Variants in ZNF346 observed in about 807,000 individuals in gnomAD.
ZNF346 encodes double-stranded RNA-binding zinc finger protein JAZ.
Under a neutral mutation model 33.7 loss-of-function variants are expected in ZNF346, and 23 were observed. The observed-to-expected ratio is 0.68, with a 90% CI of 0.49 to 0.97. The LOEUF is 0.97. ZNF346 is among the 50% of genes least tolerant of loss of function. The probability of loss-of-function intolerance (pLI) is 0.00; values close to 1 mark genes in which losing one functional copy is unlikely to be tolerated. For synonymous variants in ZNF346, 134 were observed against 142.4 expected (o/e 0.94, Z 0.42); for missense variants, 340 against 371.1 (o/e 0.92, Z 0.69).
intron 6 of ZNF346, among the ~76,000 whole-genome samples, chr5:177,062,863 G>T (rs1782709259): frequency 2.0e-5 from 3 of 152,158 alleles, no homozygotes; most frequent in Admixed American, 6.6e-5. Flanking sequence ...ATTCAAAGTG[G>T]TGATGTGAAT....
chr5:177,033,916 C>A (rs1405595139), intron 1 of ZNF346, among the ~76,000 whole-genome samples: 1 of 152,150 alleles, frequency 6.6e-6, no homozygotes, highest in African/African-American at 2.4e-5. Flanking sequence ...GGGTCTCACT[C>A]CCTCACCAAG....
chr5:177,044,260 G>T, intron 3 of ZNF346, 129 bp from the exon 4 acceptor site: 1 of 995,674 alleles, frequency 1.0e-6, no homozygotes, highest in East Asian at 2.5e-5. Context: ...GAAGAATCTA[G>T]AAAGTAGGTT....
rs2149722131 is a variant in ZNF346 at position 177,077,906 on chromosome 5, G to GGAGAA, written c.*3-1473_*3-1472insAAGAG. Among the ~76,000 whole-genome samples the GGAGAA allele has an allele frequency of 6.6e-6, 1 of 152,304 alleles. No homozygotes were observed. Among genetic ancestry groups the GGAGAA allele is most frequent in the East Asian group, 1.9e-4 (1 of 5,178 alleles). The stretch of plus-strand genomic sequence containing the variant: ...TCACGCCTGTAATCCCAGCACTTTG[G>GGAGAA]GAGGCCGAGGCAGGTGGATCACCTG... On this transcript the variant is annotated intron_variant, in intron 8 of 8. Transcript: ENST00000503039. This position sits in a 1 kb window ranked among gnomAD's most constrained non-coding sequence, Gnocchi z 5.0.
chr5:177,055,443 C>G lies in ZNF346; in HGVS notation c.703+4507C>G, dbSNP rs1781542035. 2.0e-5 allele frequency among the ~76,000 whole-genome samples: 3 copies of G among 152,072 alleles called. 1 individual carries two copies. The highest frequency in any genetic ancestry group is 4.1e-4 in the South Asian group (2 of 4,826). ...AATGTGTGGAAACTGGAAATTGACT[C>G]TATATCTTTGGTAATAAAGGGGTAA... On this transcript the variant is annotated intron_variant, in intron 5 of 6. Coordinates refer to ENST00000358149, the MANE Select transcript of ZNF346 (RefSeq NM_012279.4).
At chr5:177,061,595 T>C (rs1369349377) in intron 5 of ZNF346, among the ~76,000 whole-genome samples, 2 of 152,192 alleles carry the variant, frequency 1.3e-5, no homozygotes, top group Non-Finnish European at 2.9e-5. Context: ...AGCCCTGAGA[T>C]AGGGTCTGTG....
rs1408805544 is a variant in ZNF346, at chr5:177,067,104, TGTG to T, written c.*2512_*2514del. On this transcript the variant is annotated 3_prime_UTR_variant, in exon 7 of 7. Transcript: ENST00000358149. ...TAAATTTTAAAAGAAGGTAGCCAGG[TGTG>T]GTGGTGCATTCCTGTAGTCCTGGCT... is the stretch of plus-strand genomic sequence containing the variant. Among the ~76,000 whole-genome samples the T allele has an allele frequency of 6.6e-6, 1 of 151,912 alleles. No homozygotes were observed. Among genetic ancestry groups the T allele is most frequent in the African/African-American group, 2.4e-5 (1 of 41,354 alleles).
At chr5:177,075,001 G>C (rs2149720382) in intron 8 of ZNF346, among the ~76,000 whole-genome samples, 1 of 151,928 alleles carries the variant, frequency 6.6e-6, no homozygotes, top group South Asian at 2.1e-4. Context: ...AGGAGGCGAA[G>C]CTTGCAGTGA....
rs1775961670 is a variant in ZNF346, at chr5:177,022,761, C to T, written c.23C>T (p.Thr8Met). The stretch of plus-strand genomic sequence containing the variant: ...AAGATGGAGTATCCCGCGCCGGCCA[C>T]GGTGCAGGCCGCGGACGGCGGAGCG... Reference protein sequence around the residue: MEYPAPATVQAADGGAAG... With the variant: MEYPAPAMVQAADGGAAG... The change falls in exon 1 of 7, where the codon ACG becomes ATG. Residue 8 changes from threonine (T) to methionine (M), a missense_variant. Transcript: ENST00000358149. 7 of 1,556,380 alleles carry T rather than the reference C, an allele frequency of 4.5e-6. No homozygotes were observed. Among genetic ancestry groups the T allele is most frequent in the Non-Finnish European group, 6.1e-6 (7 of 1,154,310 alleles).
chr5:177,071,251 C>T (rs978910726), downstream of ZNF346, among the ~76,000 whole-genome samples: 64 of 152,036 alleles, frequency 4.2e-4, no homozygotes, highest in Non-Finnish European at 2.4e-4. Context: ...TCCCAGAGCC[C>T]TAAGCCAGGT....
At chr5:177,068,173 G>A (rs1464559789), downstream of ZNF346, among the ~76,000 whole-genome samples, 1 of 143,000 alleles carries the variant, frequency 7.0e-6, no homozygotes, top group Non-Finnish European at 1.5e-5. Context: ...CACAGGGTGA[G>A]CAGCCACTCA....
At position 177,063,589 on chromosome 5, in the gene ZNF346, C is replaced by T. The variant is rs188653949; in HGVS notation, c.798-923C>T. Among the ~76,000 whole-genome samples the T allele has an allele frequency of 1.7e-4, 26 of 152,178 alleles. No individual in the cohort carries two copies. In the East Asian group the frequency reaches 3.9e-3, roughly 23 times the overall value. The stretch of plus-strand genomic sequence containing the variant: ...AGACAACCTGAAGCCAACCAGAGCC[C>T]CTCCCTGGGGCTACCCACACCTGAA... On this transcript the variant is annotated intron_variant, in intron 6 of 6. Coordinates refer to ENST00000358149, the MANE Select transcript of ZNF346 (RefSeq NM_012279.4).
chr5:177,051,070 A>G lies in ZNF346; in HGVS notation c.703+134A>G. The G allele has an allele frequency of 4.6e-6, 3 of 646,560 alleles. No individual in the cohort carries two copies. In the South Asian group the frequency reaches 5.7e-5, roughly 12 times the overall value. The allele number at this position is 646,560 out of a possible 1,614,324, so 40.1% of individuals were successfully genotyped here. A position where few individuals can be genotyped will look rare whatever the true frequency, so the allele number is the denominator to read the frequency against. On this transcript the variant is annotated intron_variant, in intron 5 of 6. Coordinates refer to ENST00000358149, the MANE Select transcript of ZNF346 (RefSeq NM_012279.4). ...GCGAACTCAGATGGCTACAGAAGCC[A>G]GATGAGAAATTAAAATGAGAGCCAG...
intron 1 of ZNF346, chr5:177,023,239 G>A: frequency 6.5e-7 from 1 of 1,532,742 alleles, no homozygotes; most frequent in Non-Finnish European, 8.7e-7. Context: ...ATCCCGGTAA[G>A]CCAAGCCGAG....
intron 1 of ZNF346, among the ~76,000 whole-genome samples, chr5:177,028,485 C>A (rs1777145103): frequency 1.4e-5 from 1 of 69,470 alleles, no homozygotes; most frequent in Admixed American, 1.6e-4. Flanking sequence ...CTCTTAAGCA[C>A]TTGTGACGTT....
rs573300386 is a variant in ZNF346 at position 177,055,199 on chromosome 5, A to G, written c.703+4263A>G. On this transcript the variant is annotated intron_variant, in intron 5 of 6. Transcript: ENST00000358149. ...TAGACACCCACCACCAAACTCGGCT[A>G]ATTTTTGTGTTTTTAGTAGAGACGG... 1.8e-3 allele frequency among the ~76,000 whole-genome samples: 267 copies of G among 151,748 alleles called. 2 individuals carry two copies. The highest frequency in any genetic ancestry group is 2.9e-3 in the Non-Finnish European group (194 of 67,876).
At chr5:177,025,147 A>G (rs1024994419) in intron 1 of ZNF346, among the ~76,000 whole-genome samples, 2 of 152,156 alleles carry the variant, frequency 1.3e-5, no homozygotes, top group African/African-American at 4.8e-5. Context: ...CTAGGCAACC[A>G]GTGACCTGTT....
chr5:177,069,216 G>A (rs952088657), downstream of ZNF346, among the ~76,000 whole-genome samples: 88 of 121,968 alleles, frequency 7.2e-4, 24 homozygotes, highest in African/African-American at 4.5e-3. Context: ...CAGCTCTTTG[G>A]GAGGCCGAGG....
At chr5:177,025,108 A>G (rs1217078239) in intron 1 of ZNF346, among the ~76,000 whole-genome samples, 1 of 152,170 alleles carries the variant, frequency 6.6e-6, no homozygotes, top group East Asian at 1.9e-4. Flanking sequence ...GAGCTCATTT[A>G]TATTAAATCC....
chr5:177,027,586 CAAA>C (rs1282201135), intron 1 of ZNF346, among the ~76,000 whole-genome samples: 16 of 64,636 alleles, frequency 2.5e-4, no homozygotes, highest in Admixed American at 1.1e-3. Flanking sequence ...GACTTTGTCT[CAAA>C]AAAAAAAAAA....
Sources: allele counts gnomAD v4.1 joint callset (sites outside exome capture counted in the v4.1 genomes callset), GRCh38; gene constraint gnomAD v4.1.1; non-coding constraint Gnocchi (gnomAD v3.1); transcripts MANE v1.5; gene names NCBI Gene and HGNC (gene_info 2026-07-23, HGNC 2026-07-21).